The following DSCAM variants were observed in gnomAD, a reference collection of about 807,000 sequenced individuals.
DSCAM encodes DS cell adhesion molecule, also known as cell adhesion molecule DSCAM.
In DSCAM, 47 loss-of-function variants were observed where a neutral mutation model predicts 217.7. The observed-to-expected ratio is 0.22, with a 90% confidence interval of 0.17 to 0.28. DSCAM has a LOEUF of 0.28. Among genes scored for constraint, DSCAM ranks in the 10% least tolerant of loss-of-function variants. DSCAM has a pLI of 1.00. For missense variants in DSCAM, 2,080 were observed against 2,618.3 expected (o/e 0.79, Z 4.49); for synonymous variants, 1,056 against 1,015.3 (o/e 1.04, Z -0.76).
intron 3 of DSCAM, among the ~76,000 whole-genome samples, chr21:40,510,021 G>A (rs903086530): frequency 6.6e-6 from 1 of 152,150 alleles, no homozygotes; most frequent in African/African-American, 2.4e-5. Flanking sequence ...CTACTCAGGA[G>A]GCTGAGGCAG....
At chr21:40,054,424 G>T (rs2088981136) in intron 29 of DSCAM, among the ~76,000 whole-genome samples, 1 of 152,204 alleles carries the variant, frequency 6.6e-6, no homozygotes, top group African/African-American at 2.4e-5. Flanking sequence ...ATTAGGTCAA[G>T]ATGTCTCCAG....
intron 4 of DSCAM, among the ~76,000 whole-genome samples, chr21:40,366,451 AAAATATGCCACTTT>A (rs2074833643): frequency 6.6e-6 from 1 of 152,048 alleles, no homozygotes; most frequent in Non-Finnish European, 1.5e-5. Flanking sequence ...AACTTTTTCC[AAAATATGCCACTTT>A]TTGTTTCACA....
At chr21:40,240,262 T>C (rs1483594540) in intron 11 of DSCAM, among the ~76,000 whole-genome samples, 1 of 150,310 alleles carries the variant, frequency 6.7e-6, no homozygotes, top group Admixed American at 6.6e-5. Flanking sequence ...CACAGGGACC[T>C]CCACCTTTCC....
At chr21:40,560,063 G>A (rs1282491243) in intron 3 of DSCAM, among the ~76,000 whole-genome samples, 1 of 152,184 alleles carries the variant, frequency 6.6e-6, no homozygotes, top group Non-Finnish European at 1.5e-5. Flanking sequence ...AAAGTGCTGG[G>A]ATTATAGGCT....
chr21:40,569,739 G>A (rs1395200617), intron 3 of DSCAM, among the ~76,000 whole-genome samples: 2 of 152,140 alleles, frequency 1.3e-5, no homozygotes, highest in South Asian at 2.1e-4. Context: ...GACCTTTCAG[G>A]AGCTTCAATT....
At chr21:40,489,741 C>G (rs933206004) in intron 3 of DSCAM, among the ~76,000 whole-genome samples, 1 of 124,332 alleles carries the variant, frequency 8.0e-6, no homozygotes, top group African/African-American at 3.1e-5. Flanking sequence ...CGCCACTGCA[C>G]TCCAGCCTGG....
intron 15 of DSCAM, among the ~76,000 whole-genome samples, chr21:40,177,418 T>C (rs1362494916): frequency 6.6e-6 from 1 of 152,228 alleles, no homozygotes; most frequent in Admixed American, 6.5e-5. Context: ...AAAGATCTTC[T>C]GTCACTCACT....
chr21:40,652,502 A>C, intron 3 of DSCAM, among the ~76,000 whole-genome samples: 1 of 152,152 alleles, frequency 6.6e-6, no homozygotes, highest in East Asian at 1.9e-4. Flanking sequence ...AGACTGAATA[A>C]CGAGCCCATG....
At chr21:40,191,712 G>A (rs373157621) in intron 11 of DSCAM, among the ~76,000 whole-genome samples, 6 of 152,068 alleles carry the variant, frequency 3.9e-5, no homozygotes, top group African/African-American at 1.2e-4. Flanking sequence ...AAATCAAGTC[G>A]ACAACAGAGC....
In DSCAM at chr21:40,139,886, T is replaced by C. The variant is rs1029728941; in HGVS notation, c.3406+2672A>G. On this transcript the variant is annotated intron_variant, in intron 18 of 32. Transcript: ENST00000400454. ...TGTGTATGTGTGTTGTGTGTGCATG[T>C]GGGGTGTGTGAGGTGTGGTGTGTGT... Among the ~76,000 whole-genome samples, 4 of 149,926 alleles carry C rather than the reference T, an allele frequency of 2.7e-5. No homozygotes were observed. The South Asian group carries it at 6.4e-4, about 24-fold the overall frequency.
At chr21:40,551,131 T>C (rs1479334201) in intron 3 of DSCAM, among the ~76,000 whole-genome samples, 1 of 152,202 alleles carries the variant, frequency 6.6e-6, no homozygotes, top group African/African-American at 2.4e-5. Context: ...GCCTGAGGCA[T>C]AGCCTCAAGA....
At chr21:40,177,891 T>C (rs909845653) in intron 15 of DSCAM, among the ~76,000 whole-genome samples, 1 of 152,200 alleles carries the variant, frequency 6.6e-6, no homozygotes, top group South Asian at 2.1e-4. Context: ...TCCGGTCTTC[T>C]GTTAGCCATC....
chr21:40,122,085 G>A (rs1199847698), intron 20 of DSCAM, among the ~76,000 whole-genome samples: 1 of 152,070 alleles, frequency 6.6e-6, no homozygotes, highest in Non-Finnish European at 1.5e-5. Flanking sequence ...GAGAAATCCT[G>A]GGGAAATGCG....
chr21:40,817,171 C>T (rs1327688003), intron 1 of DSCAM, among the ~76,000 whole-genome samples: 1 of 152,098 alleles, frequency 6.6e-6, no homozygotes, highest in Non-Finnish European at 1.5e-5. Flanking sequence ...CTCTAAGCCC[C>T]ATTTGTCTTA....
chr21:40,402,278 C>T (rs1458211801), intron 3 of DSCAM, among the ~76,000 whole-genome samples: 2 of 149,314 alleles, frequency 1.3e-5, no homozygotes, highest in African/African-American at 4.9e-5. Flanking sequence ...ACTGTGTTAG[C>T]CAGGATGGTC....
intron 19 of DSCAM, among the ~76,000 whole-genome samples, chr21:40,131,570 T>C (rs980735541): frequency 2.6e-5 from 4 of 152,108 alleles, no homozygotes; most frequent in African/African-American, 2.4e-5. Context: ...GGATTAGAGG[T>C]GCCCACCACC....
intron 3 of DSCAM, among the ~76,000 whole-genome samples, chr21:40,611,734 G>T (rs1384723369): frequency 6.6e-6 from 1 of 152,234 alleles, no homozygotes; most frequent in Non-Finnish European, 1.5e-5. Flanking sequence ...TTTTCTAGGT[G>T]CTATGCAAAT....
At chr21:40,510,284 T>G (rs913380701) in intron 3 of DSCAM, among the ~76,000 whole-genome samples, 2 of 152,102 alleles carry the variant, frequency 1.3e-5, no homozygotes, top group Non-Finnish European at 2.9e-5. Flanking sequence ...GAAGGGAAAA[T>G]TTATTAATTC....
chr21:40,321,058 T>C (rs561547875), intron 8 of DSCAM, among the ~76,000 whole-genome samples: 2 of 152,356 alleles, frequency 1.3e-5, no homozygotes, highest in East Asian at 3.9e-4. Flanking sequence ...AATTGAATTA[T>C]GAGATTGAAA....
Sources: allele counts gnomAD v4.1 joint callset (sites outside exome capture counted in the v4.1 genomes callset), GRCh38; gene constraint gnomAD v4.1.1; transcripts MANE v1.5; gene names NCBI Gene and HGNC (gene_info 2026-07-23, HGNC 2026-07-21).